The following IL23R variants were observed in gnomAD, a reference collection of about 807,000 sequenced individuals.
IL23R encodes interleukin 23 receptor.
Under a neutral mutation model 56.9 loss-of-function variants are expected in IL23R, and 34 were observed. The ratio of observed to expected loss-of-function variants is 0.60; its 90% CI spans 0.45 to 0.80. The LOEUF (loss-of-function observed/expected upper bound fraction) is 0.80, where lower values mean the gene tolerates loss of function less well. IL23R is among the 30% of genes least tolerant of loss of function. IL23R has a pLI of 0.00. For synonymous variants in IL23R, 230 were observed against 249.2 expected (o/e 0.92, Z 0.73); for missense variants, 635 against 730.0 (o/e 0.87, Z 1.50).
chr1:67,170,915 G>C (rs984005456), intron 3 of IL23R, among the ~76,000 whole-genome samples: 15 of 152,188 alleles, frequency 9.9e-5, no homozygotes, highest in Non-Finnish European at 2.2e-4. Context: ...TCAAGAGAAG[G>C]AACTATAGAA....
In IL23R at chr1:67,230,287, G is replaced by A. The variant is rs547193465; in HGVS notation, c.956-6426G>A. 3.4e-4 allele frequency among the ~76,000 whole-genome samples: 52 copies of A among 152,286 alleles called. 1 individual carries two copies. The South Asian group carries it at 7.5e-3, about 22-fold the overall frequency. On this transcript the variant is annotated intron_variant, in intron 7 of 10. Transcript: ENST00000347310. ...CCCTACTGCCTCTCAGCTTTTTTAG[G>A]ATGCCCACAAAGAAGTATATCCTAG...
At chr1:67,241,516 G>A (rs1295918391) in intron 9 of IL23R, among the ~76,000 whole-genome samples, 1 of 152,002 alleles carries the variant, frequency 6.6e-6, no homozygotes, top group Non-Finnish European at 1.5e-5. Flanking sequence ...TTTTGGTCAG[G>A]TTCTCACTTA....
At chr1:67,186,571 T>C (rs1647351058) in intron 4 of IL23R, among the ~76,000 whole-genome samples, 1 of 152,212 alleles carries the variant, frequency 6.6e-6, no homozygotes, top group Non-Finnish European at 1.5e-5. Flanking sequence ...ACACTTCATG[T>C]AAAAGGAATC....
At chr1:67,157,794 T>C (rs1051146390) in intron 1 of IL23R, among the ~76,000 whole-genome samples, 1 of 152,246 alleles carries the variant, frequency 6.6e-6, no homozygotes. Flanking sequence ...TCTAATATTG[T>C]ATTTTACTTT....
intron 3 of IL23R, among the ~76,000 whole-genome samples, 153 bp from the exon 4 acceptor site, chr1:67,182,683 G>C (rs919125027): frequency 3.3e-5 from 5 of 152,136 alleles, no homozygotes; most frequent in Non-Finnish European, 5.9e-5. Flanking sequence ...GATGAACCCG[G>C]TACCTCAGTT....
At chr1:67,169,910 ACT>A (rs1646921346) in intron 3 of IL23R, among the ~76,000 whole-genome samples, 1 of 152,140 alleles carries the variant, frequency 6.6e-6, no homozygotes, top group African/African-American at 2.4e-5. Flanking sequence ...TTTAATGTGT[ACT>A]CTCTAAATTT....
intron 4 of IL23R, among the ~76,000 whole-genome samples, chr1:67,183,261 C>A (rs1295900139): frequency 6.6e-6 from 1 of 152,210 alleles, no homozygotes; most frequent in Non-Finnish European, 1.5e-5. Flanking sequence ...TTAGGACGGG[C>A]ACAGTGGCTC....
At chr1:67,154,643 G>T (rs1007046200) in intron 1 of IL23R, among the ~76,000 whole-genome samples, 2 of 151,724 alleles carry the variant, frequency 1.3e-5, no homozygotes, top group Non-Finnish European at 2.9e-5. Flanking sequence ...CGTTTGCTTG[G>T]TAAATAATCC....
At chr1:67,225,429 G>A (rs1166601958) in intron 7 of IL23R, among the ~76,000 whole-genome samples, 1 of 152,148 alleles carries the variant, frequency 6.6e-6, no homozygotes, top group Non-Finnish European at 1.5e-5. Flanking sequence ...AATTCATCAT[G>A]TGCTTTACCA....
intron 9 of IL23R, among the ~76,000 whole-genome samples, chr1:67,247,997 G>T (rs1013736144): frequency 2.6e-5 from 4 of 152,162 alleles, no homozygotes; most frequent in Non-Finnish European, 5.9e-5. Flanking sequence ...TTAGTCTGAT[G>T]GGCTTCCCTT....
intron 1 of IL23R, among the ~76,000 whole-genome samples, chr1:67,147,777 A>C (rs1248422764): frequency 6.6e-6 from 1 of 152,148 alleles, no homozygotes; most frequent in Non-Finnish European, 1.5e-5. Flanking sequence ...AACTGATAAA[A>C]TCTACTAGCT....
chr1:67,167,075 G>A (rs1354425828), intron 1 of IL23R, among the ~76,000 whole-genome samples: 1 of 152,142 alleles, frequency 6.6e-6, no homozygotes, highest in Non-Finnish European at 1.5e-5. Flanking sequence ...TTCCTTTCGC[G>A]TTCTCTACAG....
At chr1:67,141,560 C>T (rs1464691362) in intron 1 of IL23R, among the ~76,000 whole-genome samples, 1 of 152,012 alleles carries the variant, frequency 6.6e-6, no homozygotes, top group Non-Finnish European at 1.5e-5. Flanking sequence ...GAGATCAAGA[C>T]CAGCGTAGGC....
chr1:67,158,672 G>C (rs1177309893), intron 1 of IL23R, among the ~76,000 whole-genome samples: 1 of 152,104 alleles, frequency 6.6e-6, no homozygotes, highest in Non-Finnish European at 1.5e-5. Flanking sequence ...CTAGTCCTCA[G>C]TTTGGTCTGG....
chr1:67,236,242 T>C (rs935242496), intron 7 of IL23R, among the ~76,000 whole-genome samples: 4 of 152,182 alleles, frequency 2.6e-5, no homozygotes, highest in Non-Finnish European at 4.4e-5. Context: ...CAAAATTAGG[T>C]TTCTTATGAG....
chr1:67,240,468 A>G (rs1026042721), intron 9 of IL23R, among the ~76,000 whole-genome samples, 187 bp downstream of exon 9: 3 of 152,188 alleles, frequency 2.0e-5, no homozygotes, highest in African/African-American at 7.2e-5. Context: ...CTTTCCTTTA[A>G]TCCTCAAAAT....
chr1:67,142,893 T>C (rs1302639004), intron 1 of IL23R, among the ~76,000 whole-genome samples: 1 of 152,192 alleles, frequency 6.6e-6, no homozygotes, highest in Non-Finnish European at 1.5e-5. Flanking sequence ...CATTACAGAA[T>C]AAACCACTTT....
chr1:67,206,905 T>TTC lies in IL23R; in HGVS notation c.653-5_653-4insTC. 1 of 1,528,988 alleles carries TTC rather than the reference T, an allele frequency of 6.5e-7. No individual in the cohort carries two copies. Among genetic ancestry groups the TTC allele is most frequent in the Non-Finnish European group, 8.7e-7 (1 of 1,143,198 alleles). 94.7% of individuals were successfully genotyped at this position (1,528,988 alleles called of 1,614,324 possible). On this transcript the variant is annotated splice_region_variant and splice_polypyrimidine_tract_variant and intron_variant, in intron 5 of 10. Coordinates refer to ENST00000347310, the MANE Select transcript of IL23R (RefSeq NM_144701.3). ...AGGTCTTTTTTTTTTTTTTTTTTTT[T>TTC]CTAGTGATACCTTCTGCAGCCGTCA...
chr1:67,265,456 A>G, the IL23R span, among the ~76,000 whole-genome samples: 3 of 152,336 alleles, frequency 2.0e-5, no homozygotes, highest in South Asian at 4.1e-4. Flanking sequence ...TGCTATTTTT[A>G]ACCTAACAAT....
Sources: gnomAD v4.1 joint callset for allele counts (sites outside exome capture counted in the v4.1 genomes callset) on GRCh38, gnomAD v4.1.1 for gene constraint, MANE v1.5 for transcripts, NCBI Gene and HGNC (gene_info 2026-07-23, HGNC 2026-07-21) for gene names.